Variants in ADAMTSL1 observed in about 807,000 individuals in gnomAD.
ADAMTSL1 encodes ADAMTS like 1, also known as ADAMTS-like protein 1.
ADAMTSL1 carries 126 observed loss-of-function variants against 201.8 expected under a neutral mutation model. That is an observed-to-expected ratio of 0.62 (90% confidence interval 0.54 to 0.72). The LOEUF (loss-of-function observed/expected upper bound fraction) is 0.72, where lower values mean the gene tolerates loss of function less well. Ranked by LOEUF, ADAMTSL1 falls within the 30% of genes least tolerant of loss-of-function variation. The pLI is 0.00. For synonymous variants in ADAMTSL1, 1,121 were observed against 903.4 expected, an observed-to-expected ratio of 1.24 and a Z score of -4.32; for missense variants, 2,679 against 2,277.8, an observed-to-expected ratio of 1.18 and a Z score of -3.59.
chr9:18,829,818 T>G, intron 22 of ADAMTSL1, 25 bp from the exon 23 acceptor site: 1 of 1,613,658 alleles, frequency 6.2e-7, no homozygotes, highest in Non-Finnish European at 8.5e-7. Flanking sequence ...TTAACCTGCC[T>G]GATCCACCCT....
At chr9:18,662,164 TAAAATG>T in intron 9 of ADAMTSL1, 91 bp downstream of exon 9, 1 of 1,471,476 alleles carries the variant, frequency 6.8e-7, no homozygotes, top group Non-Finnish European at 9.2e-7. Context: ...TAATTAAAAA[TAAAATG>T]AAATTAAACA....
At chr9:18,619,195 T>G (rs1187028694) in intron 4 of ADAMTSL1, among the ~76,000 whole-genome samples, 1 of 152,174 alleles carries the variant, frequency 6.6e-6, no homozygotes, top group African/African-American at 2.4e-5. Flanking sequence ...TAATAGTAGG[T>G]CTTAAAGTAA....
intron 1 of ADAMTSL1, among the ~76,000 whole-genome samples, chr9:18,121,642 C>T (rs1413169311): frequency 6.6e-6 from 1 of 152,088 alleles, no homozygotes; most frequent in Non-Finnish European, 1.5e-5. Flanking sequence ...TTGACTTATT[C>T]CTTACTAGTC....
chr9:17,967,682 C>G (rs187975814), intron 1 of ADAMTSL1, among the ~76,000 whole-genome samples: 1 of 152,038 alleles, frequency 6.6e-6, no homozygotes, highest in Non-Finnish European at 1.5e-5. Flanking sequence ...TATATCTCAG[C>G]TTTTTCTTCC....
chr9:18,635,483 G>T (rs1368300072), intron 5 of ADAMTSL1, among the ~76,000 whole-genome samples: 1 of 152,090 alleles, frequency 6.6e-6, no homozygotes, highest in Non-Finnish European at 1.5e-5. Flanking sequence ...TTCTGCCCCT[G>T]GGGTGTTCAG....
intron 2 of ADAMTSL1, among the ~76,000 whole-genome samples, chr9:18,422,952 T>C (rs1273055947): frequency 6.6e-6 from 1 of 152,242 alleles, no homozygotes; most frequent in Admixed American, 6.5e-5. Flanking sequence ...ATAGTGTTAA[T>C]TGCAGAGGCT....
intron 23 of ADAMTSL1, among the ~76,000 whole-genome samples, chr9:18,865,204 C>T (rs566623221): frequency 1.3e-5 from 2 of 151,986 alleles, no homozygotes; most frequent in African/African-American, 4.8e-5. Flanking sequence ...CCCCACCCCA[C>T]AATAGGCCCC....
At chr9:18,474,415 AAAT>A (rs1821349989) in intron 1 of ADAMTSL1, 120 bp downstream of exon 1, 3 of 996,432 alleles carry the variant, frequency 3.0e-6, no homozygotes, top group Non-Finnish European at 3.1e-6. Flanking sequence ...ACTCCAGGTA[AAAT>A]AATTTACACG....
chr9:18,104,175 C>T (rs1037100172), intron 1 of ADAMTSL1, among the ~76,000 whole-genome samples: 1 of 152,214 alleles, frequency 6.6e-6, no homozygotes, highest in East Asian at 1.9e-4. Context: ...ACAGGCCACA[C>T]AGCTCTTGAC....
At chr9:18,258,664 C>T (rs896657664) in intron 2 of ADAMTSL1, among the ~76,000 whole-genome samples, 4 of 152,166 alleles carry the variant, frequency 2.6e-5, no homozygotes, top group Admixed American at 6.5e-5. Context: ...CCCGCATCAT[C>T]GATCTTTCCC....
intron 2 of ADAMTSL1, among the ~76,000 whole-genome samples, chr9:18,459,990 G>A (rs895212248): frequency 6.6e-5 from 10 of 152,106 alleles, no homozygotes; most frequent in Middle Eastern, 3.2e-3. Flanking sequence ...AAGATTTGCC[G>A]AGAATATTAT....
intron 1 of ADAMTSL1, among the ~76,000 whole-genome samples, chr9:17,926,174 G>C (rs1286960154): frequency 1.3e-5 from 2 of 152,124 alleles, no homozygotes; most frequent in Non-Finnish European, 2.9e-5. Flanking sequence ...GTTTTATGAA[G>C]AATGACTATT....
intron 19 of ADAMTSL1, among the ~76,000 whole-genome samples, chr9:18,785,987 C>G (rs896021773): frequency 6.6e-6 from 1 of 152,218 alleles, no homozygotes; most frequent in African/African-American, 2.4e-5. Flanking sequence ...CCACTTAACA[C>G]TATTGAACCA....
At chr9:18,449,507 T>C (rs1820324122) in intron 2 of ADAMTSL1, among the ~76,000 whole-genome samples, 1 of 152,080 alleles carries the variant, frequency 6.6e-6, no homozygotes. Flanking sequence ...TCAGAAATAA[T>C]TAGGATAATT....
rs561735460 is a variant in ADAMTSL1 at position 18,169,632 on chromosome 9, G to C, written c.207+5651G>C. 4.3e-3 allele frequency among the ~76,000 whole-genome samples: 661 copies of C among 152,086 alleles called. 6 individuals are homozygous for C. The highest frequency in any genetic ancestry group is 0.015 in the African/African-American group (630 of 41,522). ...GGGCTCTTTTTTAGTTCCATATGAAGCTTAAAGTAGTTTTTTCCAATTCTG... is the reference window on the plus strand; with the variant it reads ...GGGCTCTTTTTTAGTTCCATATGAACCTTAAAGTAGTTTTTTCCAATTCTG... On this transcript the variant is annotated intron_variant, in intron 2 of 29. Coordinates refer to the ADAMTSL1 transcript ENST00000680146.
chr9:18,021,935 C>T (rs1820495130), intron 1 of ADAMTSL1, among the ~76,000 whole-genome samples: 1 of 152,054 alleles, frequency 6.6e-6, no homozygotes, highest in Admixed American at 6.6e-5. Context: ...GGGGATGTTT[C>T]TAAAGAATGT....
chr9:18,100,502 C>T (rs570241253), intron 1 of ADAMTSL1, among the ~76,000 whole-genome samples: 3 of 152,310 alleles, frequency 2.0e-5, no homozygotes, highest in African/African-American at 7.2e-5. Flanking sequence ...ATTCTTGCAT[C>T]AGCGTAGTTT....
In ADAMTSL1 at chr9:18,574,209, A is replaced by G. The variant is rs547887104; in HGVS notation, c.417A>G (p.Leu139=). The stretch of plus-strand genomic sequence containing the variant: ...TTGTTGAACTAGCACCTAAGGTCTT[A>G]GATGGTACGCGTTGCTATACAGAAT... ...TLVVELAPKV[L]DGTRCYTESL... The change falls in exon 4 of 29, where the codon TTA becomes TTG. Residue 139 remains leucine (L), a synonymous_variant. Transcript: ENST00000380548. 2 of 1,614,174 alleles carry G rather than the reference A, an allele frequency of 1.2e-6. No homozygotes were observed. The highest frequency in any genetic ancestry group is 1.3e-5 in the African/African-American group (1 of 75,068).
intron 1 of ADAMTSL1, among the ~76,000 whole-genome samples, chr9:17,956,355 A>G (rs1484451357): frequency 6.6e-6 from 1 of 152,178 alleles, no homozygotes; most frequent in Non-Finnish European, 1.5e-5. Flanking sequence ...AATAGTATTG[A>G]TAGTATTAGT....
Sources: gnomAD v4.1 joint callset for allele counts (sites outside exome capture counted in the v4.1 genomes callset) on GRCh38, gnomAD v4.1.1 for gene constraint, MANE v1.5 for transcripts, NCBI Gene and HGNC (gene_info 2026-07-23, HGNC 2026-07-21) for gene names.